The following CSMD1 variants were observed in gnomAD, a reference collection of about 807,000 sequenced individuals.
CSMD1 encodes the protein CUB and Sushi multiple domains 1.
In CSMD1, 213 loss-of-function variants were observed where a neutral mutation model predicts 417.5. The observed-to-expected ratio is 0.51, with a 90% CI of 0.46 to 0.57. The LOEUF (loss-of-function observed/expected upper bound fraction) is 0.57. Ranked by LOEUF, CSMD1 falls within the 20% of genes least tolerant of loss-of-function variation. The pLI, the probability that CSMD1 is intolerant of heterozygous loss-of-function variation, is 0.00. For synonymous variants in CSMD1, 2,862 were observed against 1,736.8 expected (o/e 1.65, Z -16.11); for missense variants, 6,923 against 4,529.7 (o/e 1.53, Z -15.17).
chr8:3,198,171 A>T (rs1031258162), intron 33 of CSMD1, among the ~76,000 whole-genome samples: 6 of 152,224 alleles, frequency 3.9e-5, no homozygotes, highest in African/African-American at 1.4e-4. Context: ...ACATTTGCAT[A>T]TAAGACACCA....
intron 5 of CSMD1, among the ~76,000 whole-genome samples, chr8:3,974,388 A>C (rs1813283666): frequency 1.3e-5 from 2 of 152,030 alleles, no homozygotes; most frequent in South Asian, 4.1e-4. Flanking sequence ...AGAAGGAGGA[A>C]ATTAAACATG....
chr8:2,947,183 A>G (rs1371553087), intron 68 of CSMD1, among the ~76,000 whole-genome samples: 1 of 152,184 alleles, frequency 6.6e-6, no homozygotes. Flanking sequence ...GTTAGGGTTG[A>G]GTCATTCAAT....
intron 52 of CSMD1, among the ~76,000 whole-genome samples, chr8:3,013,092 C>T (rs962058246): frequency 6.6e-6 from 1 of 152,166 alleles, no homozygotes; most frequent in Non-Finnish European, 1.5e-5. Context: ...AAACTCCTTT[C>T]CTTTATAAAT....
chr8:4,471,825 A>C (rs149135660), intron 2 of CSMD1, among the ~76,000 whole-genome samples: 2 of 152,294 alleles, frequency 1.3e-5, no homozygotes, highest in African/African-American at 4.8e-5. Context: ...GGTGTGTCTA[A>C]TGACTACGCT....
chr8:4,758,212 GT>G (rs1258630069), intron 1 of CSMD1, among the ~76,000 whole-genome samples: 3 of 152,086 alleles, frequency 2.0e-5, no homozygotes, highest in Non-Finnish European at 4.4e-5. Flanking sequence ...CTCTGATGCT[GT>G]TCCTGTCTTT....
intron 3 of CSMD1, among the ~76,000 whole-genome samples, chr8:4,315,629 T>C (rs1482192242): frequency 6.6e-6 from 1 of 152,164 alleles, no homozygotes; most frequent in African/African-American, 2.4e-5. Context: ...TTTCCAAAGA[T>C]AAAATGATTT....
chr8:4,405,847 G>T (rs978995085), intron 3 of CSMD1, among the ~76,000 whole-genome samples: 1 of 152,162 alleles, frequency 6.6e-6, no homozygotes, highest in Non-Finnish European at 1.5e-5. Context: ...CAGCTTAGAA[G>T]TGATCCACTC....
At chr8:3,727,734 T>A (rs1459064161) in intron 6 of CSMD1, among the ~76,000 whole-genome samples, 3 of 152,110 alleles carry the variant, frequency 2.0e-5, no homozygotes, top group East Asian at 3.9e-4. Flanking sequence ...AACACATGAA[T>A]GGATAAAGAT....
chr8:4,435,428 T>C (rs1052536011), intron 2 of CSMD1, among the ~76,000 whole-genome samples: 4 of 152,296 alleles, frequency 2.6e-5, no homozygotes, highest in South Asian at 2.1e-4. Flanking sequence ...AGGCCCAGAG[T>C]TTGTCTAGTT....
intron 2 of CSMD1, among the ~76,000 whole-genome samples, chr8:4,596,649 T>C (rs1285751884): frequency 1.3e-5 from 2 of 152,232 alleles, no homozygotes; most frequent in African/African-American, 4.8e-5. Context: ...TGTTATTTCC[T>C]TTTAATAGTA....
At chr8:4,586,716 A>C (rs141800870) in intron 2 of CSMD1, among the ~76,000 whole-genome samples, 8 of 152,292 alleles carry the variant, frequency 5.3e-5, no homozygotes, top group South Asian at 2.1e-4. Context: ...TCCTTAAAGC[A>C]TCATGCCTGT....
At chr8:3,139,044 T>G (rs554245359) in intron 41 of CSMD1, among the ~76,000 whole-genome samples, 11 of 152,274 alleles carry the variant, frequency 7.2e-5, no homozygotes, top group African/African-American at 2.6e-4. Flanking sequence ...CCAGGAACAC[T>G]GCACCTCACA....
At chr8:4,902,467 T>G (rs912060521) in intron 1 of CSMD1, among the ~76,000 whole-genome samples, 5 of 151,794 alleles carry the variant, frequency 3.3e-5, no homozygotes, top group Non-Finnish European at 7.4e-5. Flanking sequence ...TACTCTATAA[T>G]CTTTTCAGGA....
intron 10 of CSMD1, among the ~76,000 whole-genome samples, chr8:3,548,833 C>G (rs968851285): frequency 6.6e-6 from 1 of 152,082 alleles, no homozygotes; most frequent in African/African-American, 2.4e-5. Context: ...GCCACCCTTG[C>G]TAGGAGGGCA....
chr8:3,617,543 G>C (rs573062773), intron 7 of CSMD1, among the ~76,000 whole-genome samples: 1 of 152,152 alleles, frequency 6.6e-6, no homozygotes, highest in Non-Finnish European at 1.5e-5. Flanking sequence ...GTGAGGGGAA[G>C]TCCACAGGAG....
At chr8:4,148,281 C>T (rs538239147) in intron 3 of CSMD1, among the ~76,000 whole-genome samples, 1 of 147,768 alleles carries the variant, frequency 6.8e-6, no homozygotes, top group Admixed American at 7.0e-5. Context: ...AAAAACCAAA[C>T]ACCACATGTT....
At chr8:4,094,943 G>T (rs1800922966) in intron 3 of CSMD1, among the ~76,000 whole-genome samples, 1 of 152,276 alleles carries the variant, frequency 6.6e-6, no homozygotes, top group East Asian at 1.9e-4. Flanking sequence ...TTTTGAACTG[G>T]GAATGGGGAG....
At chr8:4,835,001 GAAAGAAAGAAA>G (rs1370882563) in intron 1 of CSMD1, among the ~76,000 whole-genome samples, 30,465 of 66,200 alleles carry the variant, frequency 0.46, 10,663 homozygotes, top group Non-Finnish European at 0.6. Context: ...AAGAAAGAAA[GAAAGAAAGAAA>G]AAAAAATCAC....
At chr8:4,286,792 T>C (rs1054019147) in intron 3 of CSMD1, among the ~76,000 whole-genome samples, 5 of 152,212 alleles carry the variant, frequency 3.3e-5, no homozygotes, top group Admixed American at 2.0e-4. Flanking sequence ...TGGCTGAGAA[T>C]GTTTCCTAGA....
Sources: gnomAD v4.1 joint callset for allele counts (sites outside exome capture counted in the v4.1 genomes callset) on GRCh38, gnomAD v4.1.1 for gene constraint, MANE v1.5 for transcripts, NCBI Gene and HGNC (gene_info 2026-07-23, HGNC 2026-07-21) for gene names.